Variants in ST6GALNAC3 observed in about 807,000 individuals in gnomAD.
ST6GALNAC3 encodes alpha-N-acetylgalactosaminide alpha-2,6-sialyltransferase 3.
Under a neutral mutation model 32.7 loss-of-function variants are expected in ST6GALNAC3, and 25 were observed. The ratio of observed to expected loss-of-function variants is 0.76; its 90% confidence interval spans 0.56 to 1.07. The LOEUF is 1.07. ST6GALNAC3 is among the 50% of genes least tolerant of loss of function. The probability of loss-of-function intolerance (pLI) is 0.00; values close to 1 mark genes in which losing one functional copy is unlikely to be tolerated. For synonymous variants in ST6GALNAC3, 129 were observed against 133.1 expected (o/e 0.97, Z 0.21); for missense variants, 355 against 382.4 (o/e 0.93, Z 0.60).
intron 3 of ST6GALNAC3, among the ~76,000 whole-genome samples, chr1:76,582,905 T>C (rs1646911475): frequency 6.6e-6 from 1 of 152,170 alleles, no homozygotes; most frequent in Admixed American, 6.5e-5. Context: ...TTATTTCTAT[T>C]TCTCTTAAAG....
intron 1 of ST6GALNAC3, among the ~76,000 whole-genome samples, chr1:76,252,554 T>G (rs1657683375): frequency 1.3e-5 from 2 of 152,082 alleles, no homozygotes; most frequent in South Asian, 4.2e-4. Flanking sequence ...GCCCCCCCTT[T>G]TTTTTTTAAA....
chr1:76,557,301 G>C (rs1033210922), intron 3 of ST6GALNAC3, among the ~76,000 whole-genome samples: 16 of 152,086 alleles, frequency 1.1e-4, no homozygotes, highest in Non-Finnish European at 1.9e-4. Flanking sequence ...TTTGAAATCA[G>C]AAAGTGTGAA....
intron 2 of ST6GALNAC3, among the ~76,000 whole-genome samples, chr1:76,355,621 C>T (rs1391153929): frequency 2.0e-5 from 3 of 152,150 alleles, no homozygotes; most frequent in Admixed American, 6.5e-5. Flanking sequence ...CACCATAGCC[C>T]GAGAGGAAAC....
At chr1:76,099,034 G>A (rs989662345) in intron 1 of ST6GALNAC3, among the ~76,000 whole-genome samples, 6 of 152,010 alleles carry the variant, frequency 3.9e-5, no homozygotes, top group Admixed American at 6.5e-5. Context: ...CTGTGCTTTC[G>A]CTACTGCTTG....
intron 3 of ST6GALNAC3, among the ~76,000 whole-genome samples, chr1:76,488,050 A>G (rs886102487): frequency 6.6e-6 from 1 of 152,050 alleles, no homozygotes; most frequent in Admixed American, 6.6e-5. Context: ...GAAGAATAAA[A>G]CCAGAAGTCC....
intron 2 of ST6GALNAC3, among the ~76,000 whole-genome samples, chr1:76,404,285 G>T (rs1653653994): frequency 6.6e-6 from 1 of 152,040 alleles, no homozygotes; most frequent in Non-Finnish European, 1.5e-5. Context: ...ACTGGAAGAT[G>T]CTGGTTTGTG....
intron 2 of ST6GALNAC3, among the ~76,000 whole-genome samples, chr1:76,315,130 G>A (rs1014276768): frequency 4.6e-5 from 7 of 151,978 alleles, no homozygotes; most frequent in Non-Finnish European, 1.0e-4. Context: ...AATCTTTGAT[G>A]TTTATCCTCT....
At chr1:76,409,679 G>C (rs575817823) in intron 2 of ST6GALNAC3, among the ~76,000 whole-genome samples, 2 of 152,054 alleles carry the variant, frequency 1.3e-5, no homozygotes, top group Non-Finnish European at 1.5e-5. Context: ...TTGATTAATG[G>C]TTTCTCATTA....
chr1:76,308,115 A>G (rs886099456), intron 1 of ST6GALNAC3, among the ~76,000 whole-genome samples: 2 of 152,166 alleles, frequency 1.3e-5, no homozygotes, highest in African/African-American at 4.8e-5. Flanking sequence ...ACATTTTCTC[A>G]GAACTTATAT....
chr1:76,326,043 C>G (rs1333449166), intron 2 of ST6GALNAC3, among the ~76,000 whole-genome samples: 2 of 151,982 alleles, frequency 1.3e-5, no homozygotes, highest in African/African-American at 4.8e-5. Flanking sequence ...AGAAATCACC[C>G]AAACTCAGTG....
chr1:76,487,312 G>A (rs1416998125), intron 3 of ST6GALNAC3, among the ~76,000 whole-genome samples: 1 of 152,200 alleles, frequency 6.6e-6, no homozygotes, highest in East Asian at 1.9e-4. Context: ...ATAATATCCT[G>A]CAGAGTGTTT....
At chr1:76,515,574 T>C (rs961682786) in intron 3 of ST6GALNAC3, among the ~76,000 whole-genome samples, 1 of 152,314 alleles carries the variant, frequency 6.6e-6, no homozygotes, top group East Asian at 1.9e-4. Context: ...CTCTTAGAAC[T>C]GTTTTTGCTG....
At chr1:76,484,940 G>A (rs1342955402) in intron 3 of ST6GALNAC3, among the ~76,000 whole-genome samples, 1 of 152,184 alleles carries the variant, frequency 6.6e-6, no homozygotes, top group African/African-American at 2.4e-5. Flanking sequence ...AAAGGCTGTT[G>A]AATTTCGTCA....
intron 3 of ST6GALNAC3, among the ~76,000 whole-genome samples, chr1:76,415,171 CTT>C (rs71072000): frequency 2.0e-4 from 14 of 70,452 alleles, no homozygotes; most frequent in East Asian, 4.4e-4. Context: ...GGATTCATGT[CTT>C]TTTTTTTTTT....
intron 3 of ST6GALNAC3, among the ~76,000 whole-genome samples, chr1:76,517,685 C>A (rs537520099): frequency 2.0e-5 from 3 of 151,720 alleles, no homozygotes; most frequent in African/African-American, 7.3e-5. Flanking sequence ...TTAATTGGTA[C>A]ATTTTTAAGG....
intron 3 of ST6GALNAC3, among the ~76,000 whole-genome samples, chr1:76,494,649 GCA>G (rs35632611): frequency 0.045 from 3,048 of 67,624 alleles, 174 homozygotes; most frequent in African/African-American, 0.13. Context: ...ATGTGTATGC[GCA>G]CACACACACA....
intron 3 of ST6GALNAC3, among the ~76,000 whole-genome samples, chr1:76,540,113 C>G (rs968055193): frequency 2.0e-5 from 3 of 152,114 alleles, no homozygotes; most frequent in African/African-American, 4.8e-5. Flanking sequence ...ACCCAAATGT[C>G]CATCAGTGAT....
At chr1:76,309,556 C>T (rs1188991936) in intron 1 of ST6GALNAC3, among the ~76,000 whole-genome samples, 1 of 152,124 alleles carries the variant, frequency 6.6e-6, no homozygotes, top group African/African-American at 2.4e-5. Context: ...TAGAAGAAGG[C>T]ACATGTGCAT....
intron 3 of ST6GALNAC3, among the ~76,000 whole-genome samples, chr1:76,512,301 T>A (rs1336157914): frequency 6.6e-6 from 1 of 152,154 alleles, no homozygotes; most frequent in African/African-American, 2.4e-5. Flanking sequence ...TAAGAGTCTG[T>A]TCCTTTTTCT....
Sources: allele counts gnomAD v4.1 joint callset (sites outside exome capture counted in the v4.1 genomes callset), GRCh38; gene constraint gnomAD v4.1.1; transcripts MANE v1.5; gene names NCBI Gene and HGNC (gene_info 2026-07-23, HGNC 2026-07-21).